Variants in RBFOX1 observed in about 807,000 individuals in gnomAD.
The protein encoded by RBFOX1 is RNA binding fox-1 homolog 1.
Under a neutral mutation model 57.7 loss-of-function variants are expected in RBFOX1, and 8 were observed. That is an observed-to-expected ratio of 0.14 (90% CI 0.08 to 0.25). RBFOX1 has a LOEUF of 0.25. RBFOX1 is among the 10% of genes least tolerant of loss of function. RBFOX1 has a pLI of 1.00. For missense variants in RBFOX1, 611 were observed against 548.5 expected, an observed-to-expected ratio of 1.11 and a Z score of -1.14; for synonymous variants, 326 against 222.4, an observed-to-expected ratio of 1.47 and a Z score of -4.15.
intron 4 of RBFOX1, among the ~76,000 whole-genome samples, chr16:7,362,462 T>A (rs2097346449): frequency 6.6e-6 from 1 of 151,606 alleles, no homozygotes; most frequent in South Asian, 2.1e-4. Flanking sequence ...ATATATATGT[T>A]TTTGTGTGTG....
chr16:7,588,325 G>C (rs1033743988), intron 7 of RBFOX1, among the ~76,000 whole-genome samples: 12 of 152,230 alleles, frequency 7.9e-5, no homozygotes, highest in Admixed American at 1.3e-4. Flanking sequence ...AGAAATGCAA[G>C]TTCTCAGGCT....
intron 1 of RBFOX1, among the ~76,000 whole-genome samples, chr16:5,306,515 T>A (rs1435932379): frequency 6.6e-6 from 1 of 152,104 alleles, no homozygotes; most frequent in Non-Finnish European, 1.5e-5. Context: ...AGACGGGGTT[T>A]TACCATGACC....
intron 4 of RBFOX1, among the ~76,000 whole-genome samples, chr16:7,460,708 G>C (rs1176048095): frequency 1.3e-5 from 2 of 151,392 alleles, no homozygotes; most frequent in African/African-American, 4.9e-5. Flanking sequence ...ATGTACCCTT[G>C]AACTTAAAAA....
At chr16:5,281,865 C>T (rs543244773) in intron 1 of RBFOX1, among the ~76,000 whole-genome samples, 48 of 152,236 alleles carry the variant, frequency 3.2e-4, no homozygotes, top group African/African-American at 9.9e-4. Flanking sequence ...ATTTTTTATC[C>T]GTTAAGCCTG....
chr16:5,976,200 C>T (rs1175354668), intron 4 of RBFOX1, among the ~76,000 whole-genome samples: 1 of 151,996 alleles, frequency 6.6e-6, no homozygotes, highest in Non-Finnish European at 1.5e-5. Context: ...TATTTTCTAG[C>T]CCGCCACTTA....
At chr16:6,395,025 G>A (rs1480155389) in intron 2 of RBFOX1, among the ~76,000 whole-genome samples, 1 of 152,166 alleles carries the variant, frequency 6.6e-6, no homozygotes, top group African/African-American at 2.4e-5. Flanking sequence ...TAAATGGCTG[G>A]CCAATGGCCA....
chr16:5,736,877 C>A (rs966143409), intron 3 of RBFOX1, among the ~76,000 whole-genome samples: 1 of 147,592 alleles, frequency 6.8e-6, no homozygotes, highest in Admixed American at 6.8e-5. Flanking sequence ...CTCCCTTCTT[C>A]CTTGTTTCTC....
chr16:5,885,951 A>G (rs1555557842), intron 4 of RBFOX1, among the ~76,000 whole-genome samples: 1 of 152,120 alleles, frequency 6.6e-6, no homozygotes, highest in Non-Finnish European at 1.5e-5. Context: ...TGATTGGGTT[A>G]TGTGGGTGGA....
chr16:5,935,266 A>G (rs1395764054), intron 4 of RBFOX1, among the ~76,000 whole-genome samples: 2 of 152,172 alleles, frequency 1.3e-5, no homozygotes, highest in East Asian at 3.9e-4. Flanking sequence ...CATTGAAAAG[A>G]TTGTTACTCA....
chr16:6,991,690 C>G (rs1280327597), intron 3 of RBFOX1, among the ~76,000 whole-genome samples: 1 of 152,114 alleles, frequency 6.6e-6, no homozygotes, highest in Non-Finnish European at 1.5e-5. Flanking sequence ...GCTTGTGCTG[C>G]CATTCCTGCC....
At chr16:6,663,573 C>G (rs2098714344) in intron 3 of RBFOX1, among the ~76,000 whole-genome samples, 1 of 152,148 alleles carries the variant, frequency 6.6e-6, no homozygotes, top group Non-Finnish European at 1.5e-5. Context: ...CCTTCAAAGA[C>G]CAAAGCGAAG....
Position 6,158,320 on chromosome 16 carries a change from T to G in RBFOX1, c.-127+138328T>G, listed in dbSNP as rs1022411618. On this transcript the variant is annotated intron_variant, in intron 1 of 15. Coordinates refer to ENST00000550418, the MANE Select transcript of RBFOX1 (RefSeq NM_018723.4). ...GATGCACCTACAGCAATCAGATATT[T>G]GTGAACAAGGCTGTTTTGTTCTGTG... Among the ~76,000 whole-genome samples the G allele has an allele frequency of 2.6e-5, 4 of 152,188 alleles. No homozygotes were observed. The East Asian group carries it at 7.7e-4, about 29-fold the overall frequency.
chr16:6,033,735 A>G (rs954884403), intron 1 of RBFOX1, among the ~76,000 whole-genome samples: 14 of 152,212 alleles, frequency 9.2e-5, no homozygotes, highest in Non-Finnish European at 2.1e-4. Flanking sequence ...GAAGCGCTAC[A>G]TGGAATATCT....
intron 4 of RBFOX1, among the ~76,000 whole-genome samples, chr16:7,336,901 G>T (rs917817504): frequency 3.9e-5 from 6 of 152,118 alleles, no homozygotes; most frequent in African/African-American, 1.4e-4. Context: ...CTTTATCCCA[G>T]CTAATGTAAA....
intron 3 of RBFOX1, among the ~76,000 whole-genome samples, chr16:6,697,889 G>T (rs1381695987): frequency 6.6e-6 from 1 of 152,160 alleles, no homozygotes; most frequent in East Asian, 1.9e-4. Flanking sequence ...GTAATCAAGG[G>T]TAGGATGTGG....
At position 6,256,243 on chromosome 16, in the gene RBFOX1, ATATG is replaced by A. The variant is rs1423777397; in HGVS notation, c.-126-60748_-126-60745del. On this transcript the variant is annotated intron_variant, in intron 1 of 15. Coordinates refer to ENST00000550418, the MANE Select transcript of RBFOX1 (RefSeq NM_018723.4). ...TATGTATATATATATGTGTATATAT[ATATG>A]TATATATATGTGTATATATATATGT... 2.1e-3 allele frequency among the ~76,000 whole-genome samples: 206 copies of A among 96,308 alleles called. 6 individuals carry two copies. The highest frequency in any genetic ancestry group is 0.01 in the African/African-American group (199 of 18,992). 63.2% of individuals were successfully genotyped at this position (96,308 alleles called of 152,430 possible). A position where few individuals can be genotyped will look rare whatever the true frequency, so the allele number is the denominator to read the frequency against.
chr16:5,457,864 T>A (rs1045455106), intron 1 of RBFOX1, among the ~76,000 whole-genome samples: 1 of 152,228 alleles, frequency 6.6e-6, no homozygotes, highest in Admixed American at 6.5e-5. Context: ...CCAGCAGATT[T>A]TAGCCTTGTG....
chr16:7,667,881 C>G (rs568436417), intron 13 of RBFOX1, among the ~76,000 whole-genome samples: 1 of 152,180 alleles, frequency 6.6e-6, no homozygotes, highest in East Asian at 1.9e-4. Context: ...ACCATGTTGG[C>G]CAGGGTGGTC....
chr16:5,479,475 C>G (rs995227330), intron 2 of RBFOX1, among the ~76,000 whole-genome samples: 4 of 152,114 alleles, frequency 2.6e-5, no homozygotes, highest in African/African-American at 9.7e-5. Flanking sequence ...TTATTTCTCC[C>G]CGGCCAGGCA....
Sources: allele counts gnomAD v4.1 joint callset (sites outside exome capture counted in the v4.1 genomes callset), GRCh38; gene constraint gnomAD v4.1.1; transcripts MANE v1.5; gene names NCBI Gene and HGNC (gene_info 2026-07-23, HGNC 2026-07-21).